The following THAP12 variants were observed in gnomAD, a reference collection of about 807,000 sequenced individuals.
THAP12 encodes the protein THAP domain containing 12, also known as 52 kDa repressor of the inhibitor of the protein kinase.
Under a neutral mutation model 63.0 loss-of-function variants are expected in THAP12, and 20 were observed. The observed-to-expected ratio is 0.32, with a 90% CI of 0.22 to 0.46. THAP12 has a LOEUF of 0.46. THAP12 is among the 20% of genes least tolerant of loss of function. The pLI, the probability that THAP12 is intolerant of heterozygous loss-of-function variation, is 1.00. For missense variants in THAP12, 568 were observed against 908.2 expected, an observed-to-expected ratio of 0.63 and a Z score of 4.81; for synonymous variants, 264 against 328.4, an observed-to-expected ratio of 0.80 and a Z score of 2.12.
At chr11:76,372,520 C>T (rs1946681777) in intron 1 of THAP12, among the ~76,000 whole-genome samples, 1 of 151,684 alleles carries the variant, frequency 6.6e-6, no homozygotes, top group Non-Finnish European at 1.5e-5. Flanking sequence ...AGCCATCCTC[C>T]TGCCTCAGCC....
At chr11:76,361,141 C>T (rs758374258) in intron 2 of THAP12, 78 bp from the exon 3 acceptor site, 1 of 889,406 alleles carries the variant, frequency 1.1e-6, no homozygotes, top group Non-Finnish European at 1.8e-6. Flanking sequence ...ATGTTAATGA[C>T]CTCCACAATA....
chr11:76,374,420 G>T (rs1946694945), intron 1 of THAP12, among the ~76,000 whole-genome samples: 1 of 150,216 alleles, frequency 6.7e-6, no homozygotes, highest in Non-Finnish European at 1.5e-5. Context: ...TATCATCAGT[G>T]ATCTCACCAG....
intron 2 of THAP12, 133 bp downstream of exon 2, chr11:76,365,719 T>A: frequency 8.4e-7 from 1 of 1,191,216 alleles, no homozygotes; most frequent in South Asian, 1.7e-5. Flanking sequence ...CAGCTCCAAA[T>A]CTGTCTTCAT....
At chr11:76,352,916 A>T in intron 4 of THAP12, 122 bp from the exon 5 acceptor site, 1 of 1,176,976 alleles carries the variant, frequency 8.5e-7, no homozygotes, top group Non-Finnish European at 1.1e-6. Flanking sequence ...TTCATAGGGT[A>T]TTTACTAGAC....
chr11:76,368,590 T>C (rs768799848), intron 1 of THAP12: 9 of 152,212 alleles, frequency 5.9e-5, no homozygotes, highest in Admixed American at 3.3e-4. Context: ...AGACAAGTAC[T>C]GGCAGAAGGA....
intron 4 of THAP12, 134 bp downstream of exon 4, chr11:76,355,484 A>C (rs1179684723): frequency 1.3e-6 from 1 of 772,880 alleles, no homozygotes; most frequent in Non-Finnish European, 1.9e-6. Context: ...TCCAAAACAC[A>C]GGACAAAATT....
chr11:76,350,962 T>G lies in THAP12; in HGVS notation c.2188A>C (p.Lys730Gln). 1.2e-6 allele frequency: 2 copies of G among 1,611,364 alleles called. No individual in the cohort carries two copies. The highest frequency in any genetic ancestry group is 1.7e-6 in the Non-Finnish European group (2 of 1,179,568). The part of the protein sequence containing the change: ...LALLNINFDI[K>Q]HDLDLMVDTY... ...TCCACCATTAAATCCAGGTCGTGTTTTATATCAAAATTTATGTTAAGCAAA... is the reference window on the plus strand; with the variant it reads ...TCCACCATTAAATCCAGGTCGTGTTGTATATCAAAATTTATGTTAAGCAAA... The change falls in exon 5 of 5, where the codon AAA becomes CAA. Residue 730 changes from lysine to glutamine, a missense_variant. By Grantham distance (53) the Lys-to-Gln change is moderately conservative. Coordinates refer to ENST00000260045, the MANE Select transcript of THAP12 (RefSeq NM_004705.4).
chr11:76,363,547 A>G (rs963089658), intron 2 of THAP12, among the ~76,000 whole-genome samples: 35 of 151,126 alleles, frequency 2.3e-4, no homozygotes, highest in African/African-American at 8.0e-4. Context: ...TAAAGCCAAA[A>G]CTCTTAAACA....
chr11:76,359,624 T>TG (rs1233615360), intron 3 of THAP12: 2 of 152,294 alleles, frequency 1.3e-5, no homozygotes, highest in South Asian at 2.1e-4. Flanking sequence ...GGTCAGGAGT[T>TG]GGAGACCAGC....
At chr11:76,354,685 C>A (rs1490159044) in intron 4 of THAP12, among the ~76,000 whole-genome samples, 2 of 152,186 alleles carry the variant, frequency 1.3e-5, no homozygotes, top group African/African-American at 4.8e-5. Context: ...TCTAATCCAA[C>A]AGAGTACTCT....
rs1466520430 is a variant in THAP12, at chr11:76,350,711, A to G, written c.*153T>C. 5.2e-6 allele frequency: 3 copies of G among 579,734 alleles called. No individual in the cohort carries two copies. The highest frequency in any genetic ancestry group is 8.2e-6 in the Non-Finnish European group (3 of 367,848). 35.9% of individuals were successfully genotyped at this position (579,734 alleles called of 1,614,324 possible). A position where few individuals can be genotyped will look rare whatever the true frequency, so the allele number is the denominator to read the frequency against. The stretch of plus-strand genomic sequence containing the variant: ...TAGGTCTTCAAAGCTTGAGAGTTCA[A>G]ACAGGGGCCATTTAAACAGGTAGAT... On this transcript the variant is annotated 3_prime_UTR_variant, in exon 5 of 5. Coordinates refer to ENST00000260045, the MANE Select transcript of THAP12 (RefSeq NM_004705.4).
Position 76,355,870 on chromosome 11 carries a change from AG to A in THAP12, c.319-217del, listed in dbSNP as rs550495945. 374 of 381,750 alleles carry A rather than the reference AG, an allele frequency of 9.8e-4. 2 individuals carry two copies. The highest frequency in any genetic ancestry group is 7.3e-3 in the African/African-American group (352 of 48,410). 23.6% of individuals were successfully genotyped at this position (381,750 alleles called of 1,614,324 possible). ...GACTCCAAGGTTATAACAAAGTCTTAGGGAAAAAAGAATACATCATTTTGCT... is the reference window on the plus strand; with the variant it reads ...GACTCCAAGGTTATAACAAAGTCTTAGGAAAAAAGAATACATCATTTTGCT... On this transcript the variant is annotated intron_variant, in intron 3 of 4. Coordinates refer to ENST00000260045, the MANE Select transcript of THAP12 (RefSeq NM_004705.4).
rs1946556506 is a variant in THAP12, at chr11:76,355,668, A to C, written c.319-14T>G. On this transcript the variant is annotated splice_polypyrimidine_tract_variant and intron_variant, in intron 3 of 4. Coordinates refer to ENST00000260045, the MANE Select transcript of THAP12 (RefSeq NM_004705.4). ...TTCATCTTCACTCTAAATGTCAAGA[A>C]AAAAAAAGAAAAAAACAAATCATCT... 6.4e-7 allele frequency: 1 copy of C among 1,570,124 alleles called. No individual in the cohort carries two copies.
At chr11:76,359,162 T>G (rs904814368) in intron 3 of THAP12, 1 of 152,190 alleles carries the variant, frequency 6.6e-6, no homozygotes, top group Non-Finnish European at 1.5e-5. Context: ...AGAACCATAA[T>G]GTATTTAAGA....
chr11:76,367,011 T>A (rs1009442360), intron 1 of THAP12, among the ~76,000 whole-genome samples: 5 of 152,058 alleles, frequency 3.3e-5, no homozygotes, highest in African/African-American at 1.2e-4. Context: ...CTTGTGCAGA[T>A]GAAGGCACAG....
At chr11:76,372,751 T>G (rs1946683254) in intron 1 of THAP12, among the ~76,000 whole-genome samples, 1 of 152,088 alleles carries the variant, frequency 6.6e-6, no homozygotes, top group South Asian at 2.1e-4. Context: ...TCAAGTGTGG[T>G]GGCGTGCGCC....
intron 1 of THAP12, among the ~76,000 whole-genome samples, chr11:76,377,921 T>C (rs541255398): frequency 6.6e-6 from 1 of 152,356 alleles, no homozygotes; most frequent in African/African-American, 2.4e-5. Context: ...ATTTTAAAAT[T>C]GGGTTGTCTT....
chr11:76,355,853 G>C (rs1265344116), intron 3 of THAP12, 199 bp from the exon 4 acceptor site: 1 of 413,274 alleles, frequency 2.4e-6, no homozygotes, highest in African/African-American at 2.0e-5. Flanking sequence ...ATGACTCCAA[G>C]GTTATAACAA....
rs562530760 is a variant in THAP12, at chr11:76,377,752, C to T, written c.89+2996G>A. Among the ~76,000 whole-genome samples, 116 of 152,324 alleles carry T rather than the reference C, an allele frequency of 7.6e-4. 1 individual carries two copies. The highest frequency in any genetic ancestry group is 2.6e-3 in the African/African-American group (107 of 41,572). Reference sequence around the variant, plus strand: ...ATCAGTTTGCAATTCTTTGGATATACGCCTAGGAATGGAATTGCTGGGACA... The same window carrying T: ...ATCAGTTTGCAATTCTTTGGATATATGCCTAGGAATGGAATTGCTGGGACA... On this transcript the variant is annotated intron_variant, in intron 1 of 4. Transcript: ENST00000260045.
Sources: allele counts gnomAD v4.1 joint callset (sites outside exome capture counted in the v4.1 genomes callset), GRCh38; gene constraint gnomAD v4.1.1; transcripts MANE v1.5; gene names NCBI Gene and HGNC (gene_info 2026-07-23, HGNC 2026-07-21).